Variants in DCBLD2 observed in about 807,000 individuals in gnomAD.
The protein encoded by DCBLD2 is discoidin, CUB and LCCL domain containing 2.
DCBLD2 carries 54 observed loss-of-function variants against 86.8 expected under a neutral mutation model. The ratio of observed to expected loss-of-function variants is 0.62; its 90% CI spans 0.50 to 0.78. The LOEUF (loss-of-function observed/expected upper bound fraction) is 0.78. Ranked by LOEUF, DCBLD2 falls within the 30% of genes least tolerant of loss-of-function variation. The pLI is 0.00. For missense variants in DCBLD2, 908 were observed against 954.2 expected, an observed-to-expected ratio of 0.95 and a Z score of 0.64; for synonymous variants, 354 against 341.3, an observed-to-expected ratio of 1.04 and a Z score of -0.41.
At chr3:98,816,561 T>C (rs752315276) in intron 9 of DCBLD2, among the ~76,000 whole-genome samples, 1 of 152,098 alleles carries the variant, frequency 6.6e-6, no homozygotes, top group Non-Finnish European at 1.5e-5. Flanking sequence ...AAAGATGAAG[T>C]TCATGTGACG....
chr3:98,868,057 C>A lies in DCBLD2; in HGVS notation c.433+13483G>T, dbSNP rs139396739. ...TGACCTTGTGATCTGCCCACCTCAG[C>A]CTCCCAAAGTTCTGGGATTACAGGC... On this transcript the variant is annotated intron_variant, in intron 2 of 15. Transcript: ENST00000326840. Among the ~76,000 whole-genome samples the A allele has an allele frequency of 7.0e-3, 1,068 of 152,256 alleles. 8 individuals are homozygous for A. The highest frequency in any genetic ancestry group is 0.019 in the African/African-American group (798 of 41,552).
At chr3:98,843,731 C>G (rs1291412938) in intron 3 of DCBLD2, among the ~76,000 whole-genome samples, 1 of 151,994 alleles carries the variant, frequency 6.6e-6, no homozygotes, top group Admixed American at 6.5e-5. Context: ...GAATATTTTC[C>G]AGGCTCAGCT....
chr3:98,867,471 T>C (rs1277697449), intron 2 of DCBLD2, among the ~76,000 whole-genome samples: 1 of 152,166 alleles, frequency 6.6e-6, no homozygotes, highest in Non-Finnish European at 1.5e-5. Context: ...ACAATTTTCA[T>C]GTCACTTAAA....
At chr3:98,874,671 G>A (rs1335122815) in intron 2 of DCBLD2, among the ~76,000 whole-genome samples, 1 of 152,158 alleles carries the variant, frequency 6.6e-6, no homozygotes, top group Non-Finnish European at 1.5e-5. Context: ...CTTTAGAGAG[G>A]TAATTAAAAT....
intron 3 of DCBLD2, among the ~76,000 whole-genome samples, chr3:98,826,321 G>A (rs142735852): frequency 6.6e-6 from 1 of 152,102 alleles, no homozygotes; most frequent in Admixed American, 6.6e-5. Flanking sequence ...GCTTCTCGCC[G>A]CTCCAGTCTT....
intron 2 of DCBLD2, among the ~76,000 whole-genome samples, chr3:98,870,613 A>G (rs1212031691): frequency 6.7e-6 from 1 of 150,220 alleles, no homozygotes; most frequent in Non-Finnish European, 1.5e-5. Context: ...GATGGAAAGG[A>G]AAGGGAAAGG....
intron 2 of DCBLD2, among the ~76,000 whole-genome samples, chr3:98,880,324 G>A (rs559481945): frequency 6.6e-6 from 1 of 152,326 alleles, no homozygotes; most frequent in African/African-American, 2.4e-5. Flanking sequence ...TTATAGTTCT[G>A]AAGGATATTT....
chr3:98,835,630 A>G (rs1942426136), intron 3 of DCBLD2, among the ~76,000 whole-genome samples: 2 of 148,328 alleles, frequency 1.3e-5, no homozygotes, highest in East Asian at 4.0e-4. Context: ...GCTCACTGCA[A>G]CTTCTGCCTC....
At chr3:98,836,063 T>A (rs1412197711) in intron 3 of DCBLD2, among the ~76,000 whole-genome samples, 1 of 117,676 alleles carries the variant, frequency 8.5e-6, no homozygotes, top group East Asian at 2.1e-4. Flanking sequence ...TGTGTGTGTG[T>A]GTATGTGTGT....
chr3:98,858,983 A>C (rs1290105265), intron 2 of DCBLD2, among the ~76,000 whole-genome samples: 4 of 152,204 alleles, frequency 2.6e-5, no homozygotes, highest in Non-Finnish European at 5.9e-5. Flanking sequence ...AGCCAAGGGA[A>C]GGGGTGACAG....
intron 2 of DCBLD2, among the ~76,000 whole-genome samples, chr3:98,857,947 C>T (rs1942966841): frequency 3.9e-5 from 6 of 152,278 alleles, no homozygotes; most frequent in African/African-American, 2.4e-5. Flanking sequence ...GGTGGAGCTG[C>T]CTGCCAGTCC....
intron 2 of DCBLD2, among the ~76,000 whole-genome samples, chr3:98,863,157 C>A (rs539185416): frequency 6.6e-6 from 1 of 152,306 alleles, no homozygotes; most frequent in Non-Finnish European, 1.5e-5. Context: ...AGGAATCCAA[C>A]TTACAAGGGA....
Position 98,901,343 on chromosome 3 carries a change from C to A in DCBLD2, c.-17G>T. ...GCTCGCCATCGCGGCGGCCGGCAGTCTGCCTGCATAGTGCGGGTGCCTCGG... is the reference window on the plus strand; with the variant it reads ...GCTCGCCATCGCGGCGGCCGGCAGTATGCCTGCATAGTGCGGGTGCCTCGG... On this transcript the variant is annotated 5_prime_UTR_variant, in exon 1 of 16. Coordinates refer to ENST00000326840, the MANE Select transcript of DCBLD2 (RefSeq NM_080927.4). 7.2e-7 allele frequency: 1 copy of A among 1,386,810 alleles called. No individual in the cohort carries two copies. Among genetic ancestry groups the A allele is most frequent in the Non-Finnish European group, 9.2e-7 (1 of 1,082,236 alleles). The allele number at this position is 1,386,810 out of a possible 1,614,324, so 85.9% of individuals were successfully genotyped here.
At chr3:98,837,897 G>T (rs1286882164) in intron 3 of DCBLD2, among the ~76,000 whole-genome samples, 29 of 126,244 alleles carry the variant, frequency 2.3e-4, no homozygotes, top group Admixed American at 3.6e-4. Context: ...TCCCGGATGG[G>T]GCGGCTGGCC....
intron 2 of DCBLD2, among the ~76,000 whole-genome samples, chr3:98,870,810 A>AGAAAGAAAGAAAGG (rs1943268013): frequency 7.6e-6 from 1 of 131,580 alleles, no homozygotes; most frequent in Non-Finnish European, 1.7e-5. Flanking sequence ...AGAAAGAAAG[A>AGAAAGAAAGAAAGG]AAGGTAGGCA....
intron 2 of DCBLD2, among the ~76,000 whole-genome samples, chr3:98,870,299 GTGTCTATTTTTATACCAGT>G (rs1207294235): frequency 1.3e-5 from 2 of 152,144 alleles, no homozygotes; most frequent in East Asian, 3.8e-4. Context: ...ATTGGTATAT[GTGTCTATTTTTATACCAGT>G]TGTCATACTG....
In DCBLD2 at chr3:98,901,689, C is replaced by T. The variant is rs927301697; in HGVS notation, c.-363G>A. 2.3e-5 allele frequency: 4 copies of T among 174,116 alleles called. No individual in the cohort carries two copies. The highest frequency in any genetic ancestry group is 1.3e-4 in the Admixed American group (2 of 15,800). The allele number at this position is 174,116 out of a possible 1,614,324, so 10.8% of individuals were successfully genotyped here. On this transcript the variant is annotated 5_prime_UTR_variant, in exon 1 of 16. Coordinates refer to ENST00000326840, the MANE Select transcript of DCBLD2 (RefSeq NM_080927.4). ...CCCGCGGCTCCGGCTAGCTGGCAGG[C>T]AGGCCCGCAGCCAGCTCCCTCGCGC...
At position 98,901,328 on chromosome 3, in the gene DCBLD2, G is replaced by C; in HGVS notation, c.-2C>G. The C allele has an allele frequency of 7.1e-7, 1 of 1,402,092 alleles. No homozygotes were observed. The highest frequency in any genetic ancestry group is 9.2e-7 in the Non-Finnish European group (1 of 1,090,334). The allele number at this position is 1,402,092 out of a possible 1,614,324, so 86.9% of individuals were successfully genotyped here. The stretch of plus-strand genomic sequence containing the variant: ...TCTCACCACCGCCCGGCTCGCCATC[G>C]CGGCGGCCGGCAGTCTGCCTGCATA... On this transcript the variant is annotated 5_prime_UTR_variant, in exon 1 of 16. Coordinates refer to ENST00000326840, the MANE Select transcript of DCBLD2 (RefSeq NM_080927.4).
At chr3:98,850,447 G>A (rs913927514) in intron 2 of DCBLD2, among the ~76,000 whole-genome samples, 5 of 152,178 alleles carry the variant, frequency 3.3e-5, no homozygotes, top group African/African-American at 1.2e-4. Flanking sequence ...GCAGGCCACA[G>A]GTTGGACAAG....
Sources: gnomAD v4.1 joint callset for allele counts (sites outside exome capture counted in the v4.1 genomes callset) on GRCh38, gnomAD v4.1.1 for gene constraint, MANE v1.5 for transcripts, NCBI Gene and HGNC (gene_info 2026-07-23, HGNC 2026-07-21) for gene names.